TMTC4: variants seen among roughly 807,000 people sequenced by gnomAD.
The protein encoded by TMTC4 is protein O-mannosyl-transferase TMTC4.
TMTC4 carries 65 observed loss-of-function variants against 86.0 expected under a neutral mutation model. The ratio of observed to expected loss-of-function variants is 0.76; its 90% confidence interval spans 0.62 to 0.93. The LOEUF is 0.93. TMTC4 is among the 40% of genes least tolerant of loss of function. The probability of loss-of-function intolerance (pLI) is 0.00; values close to 1 mark genes in which losing one functional copy is unlikely to be tolerated. For synonymous variants in TMTC4, 379 were observed against 382.5 expected (o/e 0.99, Z 0.11); for missense variants, 866 against 948.1 (o/e 0.91, Z 1.14).
chr13:100,632,627 T>C (rs1294105552), intron 12 of TMTC4, among the ~76,000 whole-genome samples: 1 of 152,252 alleles, frequency 6.6e-6, no homozygotes, highest in Non-Finnish European at 1.5e-5. Context: ...CTAAGTCTCT[T>C]AACTAAAATA....
At chr13:100,658,899 C>G (rs1203165188) in intron 5 of TMTC4, among the ~76,000 whole-genome samples, 1 of 152,154 alleles carries the variant, frequency 6.6e-6, no homozygotes, top group Non-Finnish European at 1.5e-5. Flanking sequence ...AGAGATTTCA[C>G]TAAAAGAATG....
chr13:100,662,542 G>A (rs989606801), intron 5 of TMTC4, among the ~76,000 whole-genome samples: 1 of 152,082 alleles, frequency 6.6e-6, no homozygotes. Flanking sequence ...AGCTGTCAGC[G>A]AACACAGAAA....
intron 15 of TMTC4, among the ~76,000 whole-genome samples, chr13:100,619,172 A>AC (rs984854280): frequency 4.4e-5 from 5 of 112,754 alleles, no homozygotes; most frequent in Admixed American, 2.0e-4. Context: ...CGGGGGGCTG[A>AC]CCCCCCCACC....
intron 6 of TMTC4, among the ~76,000 whole-genome samples, chr13:100,653,442 C>T (rs190354870): frequency 2.6e-5 from 4 of 152,010 alleles, no homozygotes; most frequent in East Asian, 3.9e-4. Context: ...ACGAGGTGGA[C>T]GGGGATAGGC....
At chr13:100,623,191 G>A (rs1425168890) in intron 15 of TMTC4, among the ~76,000 whole-genome samples, 2 of 152,194 alleles carry the variant, frequency 1.3e-5, no homozygotes, top group Non-Finnish European at 2.9e-5. Context: ...AGGGCCAAGG[G>A]CAGGTTACTG....
chr13:100,674,838 C>A, upstream of TMTC4: 2 of 975,886 alleles, frequency 2.0e-6, no homozygotes, highest in South Asian at 9.5e-5. Context: ...GGGGAGGGGC[C>A]GCCCGCCGCG....
intron 12 of TMTC4, 48 bp from the exon 13 acceptor site, chr13:100,626,198 A>C: frequency 6.3e-7 from 1 of 1,578,970 alleles, no homozygotes; most frequent in Non-Finnish European, 8.7e-7. Context: ...CTTCTTGTTC[A>C]GAGCCTGGAC....
At position 100,605,167 on chromosome 13, in the gene TMTC4, A is replaced by C. The variant is rs781141230; in HGVS notation, c.2135-25T>G. On this transcript the variant is annotated intron_variant, in intron 18 of 18. Transcript: ENST00000342624. This position sits in a 1 kb window ranked among gnomAD's most constrained non-coding sequence, Gnocchi z 4.3. ...GCTGAAATAGCAGGAGATAAATTTCACTGGGAATGCTTCTGAGTAACGTGC... is the reference window on the plus strand; with the variant it reads ...GCTGAAATAGCAGGAGATAAATTTCCCTGGGAATGCTTCTGAGTAACGTGC... 1.9e-6 allele frequency: 3 copies of C among 1,605,140 alleles called. No homozygotes were observed. Among genetic ancestry groups the C allele is most frequent in the Non-Finnish European group, 2.6e-6 (3 of 1,175,830 alleles).
In TMTC4 at chr13:100,605,088, A is replaced by G; in HGVS notation, c.2189T>C (p.Ile730Thr). The change falls in exon 19 of 19, where the codon ATC (isoleucine) becomes ACC (threonine). Residue 730 changes from isoleucine to threonine, a missense_variant. Ile to Thr is a moderately conservative substitution (Grantham distance 89, BLOSUM62 -1). Transcript: ENST00000342624. This position sits in a 1 kb window ranked among gnomAD's most constrained non-coding sequence, Gnocchi z 4.3. ...HLDLAKKHYE[I>T]SLQLDPTASG... is the part of the protein sequence containing the mutation. The stretch of plus-strand genomic sequence containing the variant: ...TGCCGTGGGGTCAAGCTGCAAGGAG[A>G]TTTCATAGTGTTTCTTGGCCAAGTC... 1 of 1,613,972 alleles carries G rather than the reference A, an allele frequency of 6.2e-7. No individual in the cohort carries two copies.
intron 5 of TMTC4, among the ~76,000 whole-genome samples, chr13:100,661,788 T>C (rs893055864): frequency 2.0e-5 from 3 of 152,246 alleles, no homozygotes; most frequent in African/African-American, 7.2e-5. Context: ...AAACAGGACG[T>C]CTGCTCAGCA....
rs780404848 is a variant in TMTC4 at position 100,662,978 on chromosome 13, C to A, written c.538G>T (p.Val180Leu). The A allele has an allele frequency of 5.6e-6, 9 of 1,613,814 alleles. No individual in the cohort carries two copies. In the South Asian group the frequency reaches 6.6e-5, roughly 12 times the overall value. Residue 180 changes from valine (V) to leucine (L), a missense_variant, in exon 5 of 19, where the codon GTG becomes TTG. By Grantham distance (32) the Val-to-Leu change is conservative. Transcript: ENST00000342624. The stretch of plus-strand genomic sequence containing the variant: ...ACGACACTTACACACTCGGTGTGCA[C>A]AGGATGGACAGCAAACAGCAGCGCG... ...LAALLFAVHPVHTECVAGVVG... is the reference protein window; with the variant it reads ...LAALLFAVHPLHTECVAGVVG...
Position 100,670,518 on chromosome 13 carries a change from TA to T in TMTC4, c.-157del. On this transcript the variant is annotated 5_prime_UTR_variant, in exon 2 of 19. Transcript: ENST00000342624. The stretch of plus-strand genomic sequence containing the variant: ...GCAAGTGCTGGGGGAATACTGCAGC[TA>T]CTTTTCTTTTCCAGTCAAAGGATAA... 1 of 628,454 alleles carries T rather than the reference TA, an allele frequency of 1.6e-6. No individual in the cohort carries two copies. The highest frequency in any genetic ancestry group is 2.6e-6 in the Non-Finnish European group (1 of 388,076). 38.9% of individuals were successfully genotyped at this position (628,454 alleles called of 1,614,324 possible).
intron 7 of TMTC4, 189 bp from the exon 8 acceptor site, chr13:100,638,211 AG>A (rs1882535619): frequency 1.9e-6 from 1 of 514,490 alleles, no homozygotes; most frequent in South Asian, 3.3e-5. Context: ...TCAAGGTAAT[AG>A]ATCATATTTA....
At chr13:100,612,321 T>C in intron 17 of TMTC4, 77 bp downstream of exon 17, 1 of 1,137,848 alleles carries the variant, frequency 8.8e-7, no homozygotes, top group Non-Finnish European at 1.3e-6. Context: ...CTAATTTAAC[T>C]GGGCAGAAGT....
Position 100,668,209 on chromosome 13 carries a change from G to A in TMTC4, c.219+370C>T, listed in dbSNP as rs1234595207. On this transcript the variant is annotated intron_variant, in intron 3 of 18. Coordinates refer to ENST00000342624, the MANE Select transcript of TMTC4 (RefSeq NM_032813.5). ...ACCCGTCCATCACTGCAGCAAATGC[G>A]TGATGGGTTTTTTTTTTTTTTGAAC... 3.2e-5 allele frequency among the ~76,000 whole-genome samples: 4 copies of A among 125,070 alleles called. No homozygotes were observed. The South Asian group carries it at 7.8e-4, about 24-fold the overall frequency. 82.1% of individuals were successfully genotyped at this position (125,070 alleles called of 152,430 possible). A position where few individuals can be genotyped will look rare whatever the true frequency, so the allele number is the denominator to read the frequency against.
Position 100,605,079 on chromosome 13 carries a change from T to C in TMTC4, c.2198A>G (p.Gln733Arg), listed in dbSNP as rs747088444. ...LAKKHYEISL[Q>R]LDPTASGTKE... ...AGTTCCTGATGCCGTGGGGTCAAGC[T>C]GCAAGGAGATTTCATAGTGTTTCTT... The change falls in exon 19 of 19, where the codon CAG (glutamine) becomes CGG (arginine). Residue 733 changes from glutamine (Q) to arginine (R), a missense_variant. Physicochemically the swap from Gln to Arg is conservative, Grantham distance 43. Coordinates refer to ENST00000342624, the MANE Select transcript of TMTC4 (RefSeq NM_032813.5). This position sits in a 1 kb window ranked among gnomAD's most constrained non-coding sequence, Gnocchi z 4.3. The C allele has an allele frequency of 7.0e-5, 113 of 1,614,122 alleles. No homozygotes were observed. Among genetic ancestry groups the C allele is most frequent in the South Asian group, 5.6e-4 (51 of 91,078 alleles).
intron 5 of TMTC4, among the ~76,000 whole-genome samples, chr13:100,658,111 A>G (rs1201943609): frequency 6.6e-6 from 1 of 152,204 alleles, no homozygotes. Context: ...TGAATATGCA[A>G]TGAGCGCTCT....
At chr13:100,648,768 C>T (rs1829301377) in intron 6 of TMTC4, among the ~76,000 whole-genome samples, 1 of 152,258 alleles carries the variant, frequency 6.6e-6, no homozygotes, top group Non-Finnish European at 1.5e-5. Context: ...GAGCCTTGAC[C>T]TCCCAGGCTC....
chr13:100,627,572 CTCTTCTCCTG>C (rs1456831767), intron 12 of TMTC4, among the ~76,000 whole-genome samples: 1 of 152,182 alleles, frequency 6.6e-6, no homozygotes, highest in Non-Finnish European at 1.5e-5. Context: ...GTCTCCCTGT[CTCTTCTCCTG>C]TCTTAAAAGG....
Sources: gnomAD v4.1 joint callset for allele counts (sites outside exome capture counted in the v4.1 genomes callset) on GRCh38, gnomAD v4.1.1 for gene constraint, Gnocchi (gnomAD v3.1) non-coding constraint, MANE v1.5 for transcripts, NCBI Gene and HGNC (gene_info 2026-07-23, HGNC 2026-07-21) for gene names.